The following CCND3 variants were observed in gnomAD, a reference collection of about 807,000 sequenced individuals.
The protein encoded by CCND3 is G1/S-specific cyclin-D3.
CCND3 carries 9 observed loss-of-function variants against 28.7 expected under a neutral mutation model. That is an observed-to-expected ratio of 0.31 (90% confidence interval 0.19 to 0.55). The LOEUF (loss-of-function observed/expected upper bound fraction) is 0.55, where lower values mean the gene tolerates loss of function less well. Ranked by LOEUF, CCND3 falls within the 20% of genes least tolerant of loss-of-function variation. The pLI is 0.93. For synonymous variants in CCND3, 164 were observed against 163.9 expected, an observed-to-expected ratio of 1.00 and a Z score of 0.00; for missense variants, 315 against 385.8, an observed-to-expected ratio of 0.82 and a Z score of 1.54.
At position 42,048,522 on chromosome 6, in the gene CCND3, C is replaced by T. The variant is rs776038358; in HGVS notation, c.-67G>A. On this transcript the variant is annotated 5_prime_UTR_variant, in exon 1 of 5. Transcript: ENST00000372988. The surrounding 1 kb of genome is among the most constrained non-coding windows in gnomAD (Gnocchi z 4.7). ...CTACCTCCTCGTCAGGTGACCTCCC[C>T]GGAGCACCGACTGGGGTCGCAGGCG... 5.8e-6 allele frequency: 3 copies of T among 514,728 alleles called. No homozygotes were observed. The highest frequency in any genetic ancestry group is 3.9e-5 in the African/African-American group (2 of 51,864). The allele number at this position is 514,728 out of a possible 1,614,324, so 31.9% of individuals were successfully genotyped here.
chr6:42,031,008 G>C (rs1278183714), intron 1 of CCND3, among the ~76,000 whole-genome samples: 1 of 152,036 alleles, frequency 6.6e-6, no homozygotes, highest in East Asian at 1.9e-4. Flanking sequence ...TTCTCCTGGG[G>C]GCACAGCTGT....
intron 1 of CCND3, among the ~76,000 whole-genome samples, chr6:42,007,246 G>A (rs2127425355): frequency 6.6e-6 from 1 of 152,274 alleles, no homozygotes; most frequent in East Asian, 1.9e-4. Context: ...CAACAAAAAT[G>A]TAAAAAGGTC....
chr6:42,015,388 C>G (rs1763470602), intron 1 of CCND3, among the ~76,000 whole-genome samples: 1 of 152,086 alleles, frequency 6.6e-6, no homozygotes, highest in African/African-American at 2.4e-5. Flanking sequence ...GGTCCTGCAA[C>G]TACCCTTGCA....
chr6:42,044,794 T>TATTTA (rs1764484594), intron 1 of CCND3, among the ~76,000 whole-genome samples: 1 of 150,684 alleles, frequency 6.6e-6, no homozygotes, highest in South Asian at 2.1e-4. Flanking sequence ...TTTATTTATT[T>TATTTA]ATTTATTTAT....
At position 41,940,531 on chromosome 6, in the gene CCND3, G is replaced by T. The variant is rs755858491; in HGVS notation, c.253C>A (p.Leu85Met). 6.2e-7 allele frequency: 1 copy of T among 1,614,026 alleles called. No homozygotes were observed. Among genetic ancestry groups the T allele is most frequent in the Admixed American group, 1.7e-5 (1 of 60,020 alleles). Reference protein sequence around the residue: ...EEVFPLAMNYLDRYLSCVPTR... With the variant: ...EEVFPLAMNYMDRYLSCVPTR... ...GGGACGCAAGACAGGTAGCGATCCA[G>T]GTAGTTCATGGCCAGGGGGAAGACT... is the stretch of plus-strand genomic sequence containing the variant. Residue 85 changes from leucine to methionine, a missense_variant, in exon 2 of 5, where the codon CTG becomes ATG. Transcript: ENST00000372991.
Position 42,048,024 on chromosome 6 carries a change from C to T in CCND3, c.-46+477G>A, listed in dbSNP as rs982478865. 1 of 153,308 alleles carries T rather than the reference C, an allele frequency of 6.5e-6. No individual in the cohort carries two copies. Among genetic ancestry groups the T allele is most frequent in the Non-Finnish European group, 1.5e-5 (1 of 68,648 alleles). 9.5% of individuals were successfully genotyped at this position (153,308 alleles called of 1,614,324 possible). The stretch of plus-strand genomic sequence containing the variant: ...CCTTAGTAACAGCAACCAATTTATT[C>T]AGTTATTCCTCTTGTTGGCACTTCA... On this transcript the variant is annotated intron_variant, in intron 1 of 4. Transcript: ENST00000372988. The surrounding 1 kb of genome is among the most constrained non-coding windows in gnomAD (Gnocchi z 4.7).
chr6:41,974,092 G>C (rs1762104032), intron 1 of CCND3, among the ~76,000 whole-genome samples: 1 of 152,090 alleles, frequency 6.6e-6, no homozygotes, highest in Non-Finnish European at 1.5e-5. Context: ...CTGAGGCAGG[G>C]GAATCGCTTG....
intron 1 of CCND3, among the ~76,000 whole-genome samples, chr6:42,025,662 C>T (rs1416234231): frequency 6.6e-6 from 1 of 152,172 alleles, no homozygotes; most frequent in Admixed American, 6.6e-5. Flanking sequence ...ATGGCGGGCT[C>T]AGAGGTGAGG....
intron 1 of CCND3, among the ~76,000 whole-genome samples, chr6:41,953,160 G>A (rs780075255): frequency 1.5e-4 from 22 of 150,752 alleles, no homozygotes; most frequent in South Asian, 6.3e-4. Flanking sequence ...AGCTACTTGG[G>A]AGGCTGAGGC....
chr6:41,935,629 T>A lies in CCND3; in HGVS notation c.*311A>T. The A allele has an allele frequency of 2.2e-6, 1 of 444,906 alleles. No individual in the cohort carries two copies. The highest frequency in any genetic ancestry group is 5.7e-5 in the South Asian group (1 of 17,664). The allele number at this position is 444,906 out of a possible 1,614,324, so 27.6% of individuals were successfully genotyped here. A position where few individuals can be genotyped will look rare whatever the true frequency, so the allele number is the denominator to read the frequency against. ...GAGCCCCCAGGGGTGGGGGGGGGCG[T>A]TCAAAAGGAATGCTGGTGTATGTAT... On this transcript the variant is annotated 3_prime_UTR_variant, in exon 5 of 5. Transcript: ENST00000372991.
rs973001723 is a variant in CCND3 at position 41,935,600 on chromosome 6, A to C, written c.*340T>G. 20 of 466,592 alleles carry C rather than the reference A, an allele frequency of 4.3e-5. No individual in the cohort carries two copies. Among genetic ancestry groups the C allele is most frequent in the African/African-American group, 3.6e-4 (18 of 49,478 alleles). The allele number at this position is 466,592 out of a possible 1,614,324, so 28.9% of individuals were successfully genotyped here. On this transcript the variant is annotated 3_prime_UTR_variant, in exon 5 of 5. Transcript: ENST00000372991. Reference sequence around the variant, plus strand: ...CTAGAGCATTTTGGCAGTTGAAAACATGAGAGCCCCCAGGGGTGGGGGGGG... The same window carrying C: ...CTAGAGCATTTTGGCAGTTGAAAACCTGAGAGCCCCCAGGGGTGGGGGGGG...
At chr6:41,951,555 CA>C in intron 1 of CCND3, among the ~76,000 whole-genome samples, 1 of 67,764 alleles carries the variant, frequency 1.5e-5, no homozygotes, top group Admixed American at 1.4e-4. Context: ...CACACACACA[CA>C]CACACACACA....
intron 1 of CCND3, among the ~76,000 whole-genome samples, chr6:42,008,531 C>T (rs142871491): frequency 0.01 from 1,591 of 152,240 alleles, 5 homozygotes; most frequent in Non-Finnish European, 0.015. Flanking sequence ...ACTTGCAGTG[C>T]ATTCATTTTT....
intron 1 of CCND3, among the ~76,000 whole-genome samples, chr6:42,009,324 A>G (rs1317162886): frequency 1.3e-5 from 2 of 152,158 alleles, no homozygotes; most frequent in South Asian, 2.1e-4. Context: ...AAAAATACAA[A>G]AATTGGGCCA....
At chr6:41,978,523 C>T (rs6458252) in intron 1 of CCND3, among the ~76,000 whole-genome samples, 108,179 of 151,942 alleles carry the variant, frequency 0.71, 38,788 homozygotes, top group African/African-American at 0.8. Context: ...ATGACAAAAG[C>T]GAAACTTAGT....
Position 41,939,484 on chromosome 6 carries a change from A to T in CCND3, c.414+886T>A, listed in dbSNP as rs1775919115. Among the ~76,000 whole-genome samples, 1 of 152,132 alleles carries T rather than the reference A, an allele frequency of 6.6e-6. No homozygotes were observed. Among genetic ancestry groups the T allele is most frequent in the South Asian group, 2.1e-4 (1 of 4,828 alleles). ...CCGCCTCCTCCCCAGGCTCCTTCTG[A>T]GGCGGGACAGAACCGGTGACTTTCC... On this transcript the variant is annotated intron_variant, in intron 2 of 4. Coordinates refer to ENST00000372991, the MANE Select transcript of CCND3 (RefSeq NM_001760.5). This position sits in a 1 kb window ranked among gnomAD's most constrained non-coding sequence, Gnocchi z 4.2.
At chr6:42,044,265 G>A (rs1014528143) in intron 1 of CCND3, among the ~76,000 whole-genome samples, 2 of 152,206 alleles carry the variant, frequency 1.3e-5, no homozygotes, top group African/African-American at 4.8e-5. Context: ...TCTGGGCCCC[G>A]GTGTGTAAAC....
chr6:41,990,412 T>A (rs947311106), intron 1 of CCND3, among the ~76,000 whole-genome samples: 6 of 152,028 alleles, frequency 3.9e-5, no homozygotes, highest in Non-Finnish European at 8.8e-5. Context: ...TATCAACATG[T>A]CAGTATATTC....
chr6:41,992,192 T>C (rs1286391443), intron 1 of CCND3, among the ~76,000 whole-genome samples: 1 of 152,196 alleles, frequency 6.6e-6, no homozygotes, highest in Non-Finnish European at 1.5e-5. Flanking sequence ...AGAAGAAGTC[T>C]CACTCTGTCG....
Sources: gnomAD v4.1 joint callset for allele counts (sites outside exome capture counted in the v4.1 genomes callset) on GRCh38, gnomAD v4.1.1 for gene constraint, Gnocchi (gnomAD v3.1) non-coding constraint, MANE v1.5 for transcripts, NCBI Gene and HGNC (gene_info 2026-07-23, HGNC 2026-07-21) for gene names.